SERP2: variants seen among roughly 807,000 people sequenced by gnomAD.
SERP2 encodes the protein stress associated endoplasmic reticulum protein family member 2.
In SERP2, 6 loss-of-function variants were observed where a neutral mutation model predicts 9.1. The observed-to-expected ratio is 0.66, with a 90% CI of 0.36 to 1.30. The LOEUF is 1.30. SERP2 is among the 50% of genes most tolerant of loss of function. The pLI is 0.03. For missense variants in SERP2, 58 were observed against 81.9 expected (o/e 0.71, Z 1.13); for synonymous variants, 37 against 27.3 (o/e 1.35, Z -1.10).
chr13:44,376,769 C>T (rs979618315), intron 1 of SERP2, among the ~76,000 whole-genome samples: 3 of 151,046 alleles, frequency 2.0e-5, no homozygotes, highest in Non-Finnish European at 2.9e-5. Context: ...AGCAAGACTC[C>T]GTCTAAAAAA....
chr13:44,376,964 AT>A (rs1871693415), intron 1 of SERP2, among the ~76,000 whole-genome samples: 1 of 152,160 alleles, frequency 6.6e-6, no homozygotes. Context: ...GGAGTAAACC[AT>A]GTCATTTGCA....
At chr13:44,391,787 C>T (rs781771321) in intron 2 of SERP2, among the ~76,000 whole-genome samples, 1 of 152,098 alleles carries the variant, frequency 6.6e-6, no homozygotes, top group African/African-American at 2.4e-5. Flanking sequence ...GATGCATGCT[C>T]AAGTCTGAGA....
At chr13:44,384,001 C>T (rs1046897684) in intron 2 of SERP2, among the ~76,000 whole-genome samples, 12 of 152,014 alleles carry the variant, frequency 7.9e-5, no homozygotes, top group African/African-American at 2.9e-4. Context: ...AAGCAATGGG[C>T]CTCATCTCTT....
chr13:44,395,603 C>CAAAA (rs369797464), intron 2 of SERP2, among the ~76,000 whole-genome samples: 2 of 51,096 alleles, frequency 3.9e-5, no homozygotes, highest in African/African-American at 7.4e-5. Flanking sequence ...GACTCCGTCT[C>CAAAA]AAAAAAAAAA....
intron 2 of SERP2, among the ~76,000 whole-genome samples, chr13:44,389,843 A>G (rs959915349): frequency 2.6e-5 from 4 of 152,176 alleles, no homozygotes; most frequent in African/African-American, 9.7e-5. Context: ...GCTACCATTT[A>G]TTGAGGACTG....
intron 2 of SERP2, among the ~76,000 whole-genome samples, chr13:44,384,458 G>A (rs1051016439): frequency 2.0e-5 from 3 of 152,116 alleles, no homozygotes; most frequent in Non-Finnish European, 4.4e-5. Flanking sequence ...GCTCTCATCG[G>A]TGGTCTGTCT....
intron 2 of SERP2, among the ~76,000 whole-genome samples, chr13:44,386,541 G>A (rs1872329030): frequency 6.6e-6 from 1 of 152,092 alleles, no homozygotes; most frequent in Non-Finnish European, 1.5e-5. Flanking sequence ...GCGCCACCAT[G>A]CCCAGCTAAT....
upstream of SERP2, chr13:44,373,793 A>C: frequency 1.1e-5 from 5 of 464,038 alleles, no homozygotes; most frequent in Non-Finnish European, 1.1e-5. The surrounding 1 kb of genome is among the most constrained non-coding windows in gnomAD (Gnocchi z 4.8). Flanking sequence ...ATGGCGAGGA[A>C]GTCGGAAAGG....
chr13:44,390,404 A>C (rs1427921257), intron 2 of SERP2: 1 of 453,352 alleles, frequency 2.2e-6, no homozygotes, highest in African/African-American at 2.0e-5. Flanking sequence ...GAACTTTCTC[A>C]AAGTTGTAAC....
chr13:44,392,753 T>C (rs1271801009), intron 2 of SERP2, among the ~76,000 whole-genome samples: 1 of 151,962 alleles, frequency 6.6e-6, no homozygotes, highest in Non-Finnish European at 1.5e-5. Context: ...AGATATCAAC[T>C]AGATAGTGGA....
At position 44,373,955 on chromosome 13, in the gene SERP2, G is replaced by A. The variant is rs1321313798; in HGVS notation, c.-71G>A. The A allele has an allele frequency of 2.1e-5, 30 of 1,412,160 alleles. No homozygotes were observed. Among genetic ancestry groups the A allele is most frequent in the Middle Eastern group, 1.8e-4 (1 of 5,466 alleles). The allele number at this position is 1,412,160 out of a possible 1,614,324, so 87.5% of individuals were successfully genotyped here. A position where few individuals can be genotyped will look rare whatever the true frequency, so the allele number is the denominator to read the frequency against. ...GGCCGCGGGGGCCTCGGCGGGACGC[G>A]CTCGGCCCTGTCGCAGGAGCTAACG... On this transcript the variant is annotated 5_prime_UTR_variant, in exon 1 of 3. Transcript: ENST00000379179. This position sits in a 1 kb window ranked among gnomAD's most constrained non-coding sequence, Gnocchi z 4.8.
chr13:44,375,315 CT>C (rs1162337254), intron 1 of SERP2, among the ~76,000 whole-genome samples: 1 of 152,042 alleles, frequency 6.6e-6, no homozygotes, highest in East Asian at 1.9e-4. Flanking sequence ...TAGGACCAAA[CT>C]CAACTCTACT....
chr13:44,375,820 T>TG (rs1871617987), intron 1 of SERP2, among the ~76,000 whole-genome samples: 1 of 152,216 alleles, frequency 6.6e-6, no homozygotes, highest in Non-Finnish European at 1.5e-5. Context: ...CCACCTCAAG[T>TG]TCTTCAAGAA....
chr13:44,381,536 C>T (rs1257442330), intron 2 of SERP2, among the ~76,000 whole-genome samples: 1 of 151,948 alleles, frequency 6.6e-6, no homozygotes, highest in East Asian at 1.9e-4. Context: ...AGCGAGACTG[C>T]GTCTCAAAAA....
At chr13:44,379,515 G>A in intron 1 of SERP2, 126 bp from the exon 2 acceptor site, 1 of 623,902 alleles carries the variant, frequency 1.6e-6, no homozygotes, top group Non-Finnish European at 2.9e-6. Context: ...GTCCACTGAG[G>A]GATTGAAACC....
At position 44,375,149 on chromosome 13, in the gene SERP2, G is replaced by T. The variant is rs192030975; in HGVS notation, c.84+1040G>T. Among the ~76,000 whole-genome samples the T allele has an allele frequency of 6.9e-4, 105 of 152,242 alleles. 1 individual carries two copies. Among genetic ancestry groups the T allele is most frequent in the African/African-American group, 2.4e-3 (100 of 41,526 alleles). ...ACAGTTAAGTGGAAATCCAGCTGAA[G>T]CCTGGAGTTTGGCTGGGAAAGCTTG... On this transcript the variant is annotated intron_variant, in intron 1 of 2. Coordinates refer to ENST00000379179, the MANE Select transcript of SERP2 (RefSeq NM_001010897.3).
chr13:44,382,448 A>AT (rs1872046066), intron 2 of SERP2, among the ~76,000 whole-genome samples: 1 of 151,010 alleles, frequency 6.6e-6, no homozygotes, highest in Non-Finnish European at 1.5e-5. Flanking sequence ...AAAAAAAAAA[A>AT]AAAAAAAAAA....
intron 2 of SERP2, among the ~76,000 whole-genome samples, chr13:44,388,639 T>G (rs1872465391): frequency 6.6e-6 from 1 of 152,166 alleles, no homozygotes; most frequent in Non-Finnish European, 1.5e-5. Flanking sequence ...GGCGGCACTT[T>G]CCCCCTGTAT....
At chr13:44,374,157 GGT>G in intron 1 of SERP2, 48 bp downstream of exon 1, 1 of 1,057,576 alleles carries the variant, frequency 9.5e-7, no homozygotes, top group South Asian at 1.8e-5. Context: ...AGCCCGGCGG[GGT>G]GGGGCGGAAG....
Sources: gnomAD v4.1 joint callset for allele counts (sites outside exome capture counted in the v4.1 genomes callset) on GRCh38, gnomAD v4.1.1 for gene constraint, Gnocchi (gnomAD v3.1) non-coding constraint, MANE v1.5 for transcripts, NCBI Gene and HGNC (gene_info 2026-07-23, HGNC 2026-07-21) for gene names.